The following STUM variants were observed in gnomAD, a reference collection of about 807,000 sequenced individuals.
STUM encodes stum, mechanosensory transduction mediator homolog.
In STUM, 8 loss-of-function variants were observed where a neutral mutation model predicts 15.3. The ratio of observed to expected loss-of-function variants is 0.52; its 90% CI spans 0.31 to 0.94. The LOEUF is 0.94. Among genes scored for constraint, STUM ranks in the 40% least tolerant of loss-of-function variants. STUM has a pLI of 0.05. For missense variants in STUM, 142 were observed against 204.9 expected, an observed-to-expected ratio of 0.69 and a Z score of 1.87; for synonymous variants, 78 against 88.7, an observed-to-expected ratio of 0.88 and a Z score of 0.68.
intron 1 of STUM, among the ~76,000 whole-genome samples, chr1:226,590,009 C>G (rs1316265886): frequency 1.3e-5 from 2 of 152,094 alleles, no homozygotes; most frequent in Non-Finnish European, 2.9e-5. Context: ...AGAGGTGGAA[C>G]CTTAGTATCT....
intron 1 of STUM, among the ~76,000 whole-genome samples, chr1:226,590,360 T>C (rs1485921129): frequency 1.3e-5 from 2 of 152,128 alleles, no homozygotes; most frequent in African/African-American, 4.8e-5. Context: ...GAGTCTGCGA[T>C]TGCACATGGC....
chr1:226,564,504 G>A (rs1288603059), intron 1 of STUM, among the ~76,000 whole-genome samples: 1 of 152,198 alleles, frequency 6.6e-6, no homozygotes, highest in Non-Finnish European at 1.5e-5. Context: ...TCTGAAGACA[G>A]TCAGCAATGG....
rs1667865587 is a variant in STUM at position 226,578,806 on chromosome 1, C to G, written c.203-17996C>G. Among the ~76,000 whole-genome samples, 4 of 152,338 alleles carry G rather than the reference C, an allele frequency of 2.6e-5. No individual in the cohort carries two copies. The South Asian group carries it at 8.3e-4, about 32-fold the overall frequency. On this transcript the variant is annotated intron_variant, in intron 1 of 3. Transcript: ENST00000366788. ...AGCTGGGCCTTGGAAGGCCTCTCCC[C>G]TCCCATCCCTGAGTCTTGATCAGCT... is the stretch of plus-strand genomic sequence containing the variant.
At chr1:226,566,016 C>T (rs1434957116) in intron 1 of STUM, among the ~76,000 whole-genome samples, 1 of 152,168 alleles carries the variant, frequency 6.6e-6, no homozygotes, top group African/African-American at 2.4e-5. Context: ...AGGGTACTCC[C>T]CTCTCCCTAG....
intron 1 of STUM, among the ~76,000 whole-genome samples, chr1:226,585,696 C>T (rs1180585350): frequency 6.6e-6 from 1 of 152,214 alleles, no homozygotes; most frequent in African/African-American, 2.4e-5. Flanking sequence ...TTGCCTCTCT[C>T]ACCGCCCCGT....
rs191682644 is a variant in STUM at position 226,590,957 on chromosome 1, C to T, written c.203-5845C>T. Among the ~76,000 whole-genome samples, 37 of 152,296 alleles carry T rather than the reference C, an allele frequency of 2.4e-4. 1 individual carries two copies. Among genetic ancestry groups the T allele is most frequent in the African/African-American group, 8.7e-4 (36 of 41,564 alleles). ...CCTTGCCAGAGTGTGAGCTCCCGGGCGGGGGTGGCAAGTTCCCATCACCTG... is the reference window on the plus strand; with the variant it reads ...CCTTGCCAGAGTGTGAGCTCCCGGGTGGGGGTGGCAAGTTCCCATCACCTG... On this transcript the variant is annotated intron_variant, in intron 1 of 3. Transcript: ENST00000366788.
At chr1:226,558,057 T>G (rs1667476325) in intron 1 of STUM, among the ~76,000 whole-genome samples, 1 of 152,338 alleles carries the variant, frequency 6.6e-6, no homozygotes, top group East Asian at 1.9e-4. Context: ...TTGAAAGCCT[T>G]TCCTCTAAGA....
intron 1 of STUM, among the ~76,000 whole-genome samples, chr1:226,574,792 T>C (rs922987315): frequency 6.6e-6 from 1 of 151,886 alleles, no homozygotes; most frequent in African/African-American, 2.4e-5. Context: ...TTGCCAACTC[T>C]CAGAGTGGAG....
At chr1:226,550,771 C>G (rs921524834) in intron 1 of STUM, among the ~76,000 whole-genome samples, 1 of 152,152 alleles carries the variant, frequency 6.6e-6, no homozygotes, top group South Asian at 2.1e-4. Flanking sequence ...TGTGTGTACC[C>G]TCCCTGGTCT....
At position 226,593,586 on chromosome 1, in the gene STUM, C is replaced by T. The variant is rs550286021; in HGVS notation, c.203-3216C>T. Among the ~76,000 whole-genome samples the T allele has an allele frequency of 9.9e-5, 15 of 152,272 alleles. No individual in the cohort carries two copies. In the South Asian group the frequency reaches 3.1e-3, roughly 32 times the overall value. ...TTCAGTTAGGTTCTTGAATGAGTCT[C>T]TACAGAGACTCCAGAGTTGCACCCC... On this transcript the variant is annotated intron_variant, in intron 1 of 3. Transcript: ENST00000366788.
intron 1 of STUM, among the ~76,000 whole-genome samples, chr1:226,581,134 C>A (rs541820): frequency 0.73 from 111,252 of 152,206 alleles, 41,207 homozygotes; most frequent in African/African-American, 0.85. Flanking sequence ...ATGACCCAGA[C>A]GTTTCACACA....
At chr1:226,585,119 C>A (rs1667976450) in intron 1 of STUM, among the ~76,000 whole-genome samples, 1 of 152,170 alleles carries the variant, frequency 6.6e-6, no homozygotes, top group African/African-American at 2.4e-5. Context: ...GGGATGAGTG[C>A]CTAGCCTCAG....
chr1:226,598,346 G>A (rs1276836238), intron 2 of STUM, among the ~76,000 whole-genome samples: 2 of 152,186 alleles, frequency 1.3e-5, no homozygotes, highest in African/African-American at 4.8e-5. Context: ...TGCAAGATGA[G>A]CCCCTCTTAC....
At chr1:226,582,602 A>T (rs1039114461) in intron 1 of STUM, among the ~76,000 whole-genome samples, 1 of 152,008 alleles carries the variant, frequency 6.6e-6, no homozygotes, top group African/African-American at 2.4e-5. Context: ...TCTCAAAAAA[A>T]AAAAAAAAGA....
chr1:226,599,189 G>A (rs1259368684), intron 2 of STUM, among the ~76,000 whole-genome samples: 1 of 152,146 alleles, frequency 6.6e-6, no homozygotes, highest in Non-Finnish European at 1.5e-5. Flanking sequence ...GATGAGATTT[G>A]GGTGGGGACA....
chr1:226,579,566 C>G (rs138877561), intron 1 of STUM, among the ~76,000 whole-genome samples: 2 of 151,954 alleles, frequency 1.3e-5, no homozygotes, highest in African/African-American at 4.8e-5. Flanking sequence ...CCCCAGGAAG[C>G]CTCACTGGCC....
At chr1:226,589,399 C>T (rs558942969) in intron 1 of STUM, among the ~76,000 whole-genome samples, 14 of 152,326 alleles carry the variant, frequency 9.2e-5, no homozygotes, top group Admixed American at 4.6e-4. Context: ...GCTCCCAGGA[C>T]GGAAGTGGAG....
intron 1 of STUM, among the ~76,000 whole-genome samples, chr1:226,564,222 C>G (rs778985394): frequency 6.6e-6 from 1 of 152,074 alleles, no homozygotes; most frequent in East Asian, 1.9e-4. Context: ...CATCTCATGC[C>G]CAGGATGTTC....
chr1:226,554,107 A>C (rs1469827263), intron 1 of STUM, among the ~76,000 whole-genome samples: 1 of 152,182 alleles, frequency 6.6e-6, no homozygotes, highest in Non-Finnish European at 1.5e-5. Context: ...GTGAGTGGAA[A>C]TGACATATTC....
Sources: allele counts gnomAD v4.1 joint callset (sites outside exome capture counted in the v4.1 genomes callset), GRCh38; gene constraint gnomAD v4.1.1; transcripts MANE v1.5; gene names NCBI Gene and HGNC (gene_info 2026-07-23, HGNC 2026-07-21).